SYT1: variants seen among roughly 807,000 people sequenced by gnomAD.
SYT1 encodes the protein synaptotagmin-1.
SYT1 carries 8 observed loss-of-function variants against 44.8 expected under a neutral mutation model. The ratio of observed to expected loss-of-function variants is 0.18; its 90% confidence interval spans 0.10 to 0.32. The LOEUF is 0.32. Among genes scored for constraint, SYT1 ranks in the 10% least tolerant of loss-of-function variants. The probability of loss-of-function intolerance (pLI) is 1.00; values close to 1 mark genes in which losing one functional copy is unlikely to be tolerated. For missense variants in SYT1, 286 were observed against 509.3 expected (o/e 0.56, Z 4.22); for synonymous variants, 154 against 188.8 (o/e 0.82, Z 1.51).
chr12:79,448,770 G>C (rs1034688751), intron 10 of SYT1, 148 bp from the exon 11 acceptor site: 2 of 680,772 alleles, frequency 2.9e-6, no homozygotes, highest in Admixed American at 5.7e-5. Flanking sequence ...TAACGTTTGA[G>C]TATTAAGATT....
intron 2 of SYT1, among the ~76,000 whole-genome samples, chr12:79,014,556 G>GAAACA (rs1871667560): frequency 6.6e-6 from 1 of 151,980 alleles, no homozygotes; most frequent in Non-Finnish European, 1.5e-5. Context: ...AAAAAGTCAG[G>GAAACA]AAACAACAGG....
chr12:79,093,014 A>G (rs1053441949), intron 3 of SYT1, among the ~76,000 whole-genome samples: 6 of 151,776 alleles, frequency 4.0e-5, no homozygotes, highest in Admixed American at 2.0e-4. Flanking sequence ...ATACATGTGA[A>G]TAACATATCT....
At chr12:79,416,719 A>G (rs1050657566) in intron 9 of SYT1, among the ~76,000 whole-genome samples, 4 of 152,218 alleles carry the variant, frequency 2.6e-5, no homozygotes, top group African/African-American at 9.6e-5. Flanking sequence ...GTAAAAAGTA[A>G]TCAGCCATGT....
intron 3 of SYT1, among the ~76,000 whole-genome samples, chr12:79,088,181 GT>G (rs1399206278): frequency 1.3e-5 from 2 of 151,966 alleles, no homozygotes; most frequent in African/African-American, 4.8e-5. Flanking sequence ...ATTATTACTA[GT>G]AACTGCTACT....
intron 3 of SYT1, among the ~76,000 whole-genome samples, chr12:79,141,104 T>A (rs1474534520): frequency 2.6e-5 from 4 of 152,242 alleles, no homozygotes; most frequent in Non-Finnish European, 4.4e-5. Context: ...CCATCTGTTT[T>A]CTTTGAGATA....
intron 9 of SYT1, among the ~76,000 whole-genome samples, chr12:79,375,618 T>C (rs1883962050): frequency 1.3e-5 from 2 of 152,232 alleles, no homozygotes; most frequent in South Asian, 4.1e-4. Context: ...CCTCTTCAAA[T>C]ATCAGTTCCA....
At chr12:79,256,482 C>T (rs1877525036) in intron 4 of SYT1, among the ~76,000 whole-genome samples, 1 of 152,140 alleles carries the variant, frequency 6.6e-6, no homozygotes, top group Admixed American at 6.5e-5. Flanking sequence ...CCTTATCAAG[C>T]ACAAATGTGA....
At chr12:79,420,647 A>G (rs1160597512) in intron 9 of SYT1, among the ~76,000 whole-genome samples, 1 of 152,118 alleles carries the variant, frequency 6.6e-6, no homozygotes, top group Non-Finnish European at 1.5e-5. Flanking sequence ...TTTCCAGTTC[A>G]AAGTAGCACA....
intron 6 of SYT1, 126 bp from the exon 7 acceptor site, chr12:79,295,943 A>T: frequency 2.7e-6 from 3 of 1,111,662 alleles, no homozygotes; most frequent in Non-Finnish European, 3.7e-6. Flanking sequence ...TCATAAGAGA[A>T]TCAGAGTTTT....
At chr12:79,148,228 A>C (rs1870045215) in intron 3 of SYT1, among the ~76,000 whole-genome samples, 1 of 152,148 alleles carries the variant, frequency 6.6e-6, no homozygotes, top group Non-Finnish European at 1.5e-5. Context: ...ATTCCGAAGA[A>C]CTTTTTTTTG....
At chr12:79,178,800 G>A (rs1872066373) in intron 3 of SYT1, among the ~76,000 whole-genome samples, 1 of 149,698 alleles carries the variant, frequency 6.7e-6, no homozygotes, top group African/African-American at 2.4e-5. Context: ...TTTTTGAGAT[G>A]GAATTTCGCT....
At chr12:79,316,589 T>C (rs1565905560) in intron 8 of SYT1, among the ~76,000 whole-genome samples, 1 of 152,214 alleles carries the variant, frequency 6.6e-6, no homozygotes. Context: ...TGATACCTAC[T>C]GTACAGGCTT....
rs573988110 is a variant in SYT1 at position 79,353,489 on chromosome 12, T to C, written c.811-13T>C. 8.9e-6 allele frequency: 14 copies of C among 1,581,910 alleles called. No homozygotes were observed. Among genetic ancestry groups the C allele is most frequent in the East Asian group, 4.5e-5 (2 of 44,726 alleles). On this transcript the variant is annotated splice_polypyrimidine_tract_variant and intron_variant, in intron 8 of 10. Transcript: ENST00000261205. ...TTGAAAAATTGCTAATACTTTCTTA[T>C]TGGTTTTCTTAGCAAGAGAAATTGG...
intron 1 of SYT1, among the ~76,000 whole-genome samples, chr12:78,925,995 G>A (rs61929183): frequency 0.085 from 12,880 of 152,074 alleles, 625 homozygotes; most frequent in East Asian, 0.18. Context: ...AATGCTGCAT[G>A]TGGCATAAGC....
chr12:78,908,291 T>G (rs1876113079), intron 1 of SYT1, among the ~76,000 whole-genome samples: 1 of 151,988 alleles, frequency 6.6e-6, no homozygotes, highest in Non-Finnish European at 1.5e-5. Context: ...TTCCCATTTC[T>G]AAGCACAGAG....
At chr12:78,962,814 G>T (rs535513623) in intron 1 of SYT1, among the ~76,000 whole-genome samples, 1 of 152,192 alleles carries the variant, frequency 6.6e-6, no homozygotes, top group Non-Finnish European at 1.5e-5. Flanking sequence ...AAAAATTCAG[G>T]TCTGATCAAG....
intron 3 of SYT1, among the ~76,000 whole-genome samples, chr12:79,122,719 A>C (rs987022780): frequency 5.3e-5 from 8 of 152,076 alleles, no homozygotes; most frequent in Non-Finnish European, 1.0e-4. Context: ...GGTAAGTTTG[A>C]GTGAGAGATA....
At chr12:79,350,249 T>C (rs1004384057) in intron 8 of SYT1, among the ~76,000 whole-genome samples, 1 of 139,194 alleles carries the variant, frequency 7.2e-6, no homozygotes, top group South Asian at 2.5e-4. Flanking sequence ...GCATATTCTT[T>C]TTTTTTTTTT....
intron 2 of SYT1, among the ~76,000 whole-genome samples, chr12:78,994,163 A>T (rs1303338800): frequency 6.6e-6 from 1 of 152,182 alleles, no homozygotes; most frequent in Non-Finnish European, 1.5e-5. Context: ...CTGTCAGTGT[A>T]GTTTAGTCTT....
Sources: gnomAD v4.1 joint callset for allele counts (sites outside exome capture counted in the v4.1 genomes callset) on GRCh38, gnomAD v4.1.1 for gene constraint, MANE v1.5 for transcripts, NCBI Gene and HGNC (gene_info 2026-07-23, HGNC 2026-07-21) for gene names.